The following ADGRD1 variants were observed in gnomAD, a reference collection of about 807,000 sequenced individuals.
The protein encoded by ADGRD1 is G-protein coupled receptor 133.
In ADGRD1, 77 loss-of-function variants were observed where a neutral mutation model predicts 113.4. That is an observed-to-expected ratio of 0.68 (90% CI 0.57 to 0.82). The LOEUF (loss-of-function observed/expected upper bound fraction) is 0.82. ADGRD1 is among the 40% of genes least tolerant of loss of function. The probability of loss-of-function intolerance (pLI) is 0.00; values close to 1 mark genes in which losing one functional copy is unlikely to be tolerated. For missense variants in ADGRD1, 1,036 were observed against 1,139.1 expected (o/e 0.91, Z 1.30); for synonymous variants, 474 against 475.0 (o/e 1.00, Z 0.03).
chr12:130,979,218 C>A lies in ADGRD1; in HGVS notation c.311-2666C>A, dbSNP rs147112333. Among the ~76,000 whole-genome samples, 663 of 152,302 alleles carry A rather than the reference C, an allele frequency of 4.4e-3. 7 individuals carry two copies. Among genetic ancestry groups the A allele is most frequent in the African/African-American group, 0.015 (626 of 41,564 alleles). Reference sequence around the variant, plus strand: ...TTCCCAGGAGCCCTAAGGACAGATGCCGCAGGGCTTGGAGTTGTACCCCGT... The same window carrying A: ...TTCCCAGGAGCCCTAAGGACAGATGACGCAGGGCTTGGAGTTGTACCCCGT... On this transcript the variant is annotated intron_variant, in intron 4 of 24. Transcript: ENST00000261654.
chr12:131,056,449 A>C (rs1449730734), intron 13 of ADGRD1, among the ~76,000 whole-genome samples: 2 of 152,226 alleles, frequency 1.3e-5, no homozygotes, highest in African/African-American at 4.8e-5. Context: ...CGGGGACAAG[A>C]GGCCAAGGTG....
In ADGRD1 at chr12:131,003,634, C is replaced by A. The variant is rs7316787; in HGVS notation, c.1144+332C>A. 0.48 allele frequency among the ~76,000 whole-genome samples: 72,777 copies of A among 152,102 alleles called. 17,964 individuals are homozygous for A. Among genetic ancestry groups the A allele is most frequent in the African/African-American group, 0.57 (23,483 of 41,488 alleles). ...AAAAGGGGTGGCCTCGGGTTTCTGGCGTCAGCTTGCTCTCAGCTGGGCTCC... is the reference window on the plus strand; with the variant it reads ...AAAAGGGGTGGCCTCGGGTTTCTGGAGTCAGCTTGCTCTCAGCTGGGCTCC... On this transcript the variant is annotated intron_variant, in intron 10 of 24. Coordinates refer to ENST00000261654, the MANE Select transcript of ADGRD1 (RefSeq NM_198827.5). The surrounding 1 kb of genome is among the most constrained non-coding windows in gnomAD (Gnocchi z 4.8).
intron 13 of ADGRD1, among the ~76,000 whole-genome samples, chr12:131,038,611 G>T (rs565064340): frequency 6.6e-6 from 1 of 152,354 alleles, no homozygotes; most frequent in South Asian, 2.1e-4. Flanking sequence ...CCACAGTGTG[G>T]GGTAGGTGGA....
Position 130,998,386 on chromosome 12 carries a change from G to A in ADGRD1, c.967-1997G>A, listed in dbSNP as rs1162690199. 2.6e-5 allele frequency among the ~76,000 whole-genome samples: 4 copies of A among 152,196 alleles called. No individual in the cohort carries two copies. In the South Asian group the frequency reaches 8.3e-4, roughly 32 times the overall value. On this transcript the variant is annotated intron_variant, in intron 8 of 24. Transcript: ENST00000261654. Reference sequence around the variant, plus strand: ...TCATGCAGATTTACCCAAAACCCCAGTGATCTCTGACCTGATGAGAAGTCA... The same window carrying A: ...TCATGCAGATTTACCCAAAACCCCAATGATCTCTGACCTGATGAGAAGTCA...
intron 5 of ADGRD1, among the ~76,000 whole-genome samples, chr12:130,985,598 T>C (rs1873560767): frequency 6.6e-6 from 1 of 151,962 alleles, no homozygotes; most frequent in Non-Finnish European, 1.5e-5. Flanking sequence ...TTGTCCAGGC[T>C]GGAGTGCAAT....
At chr12:131,092,981 C>T (rs1887016261) in intron 15 of ADGRD1, among the ~76,000 whole-genome samples, 1 of 151,850 alleles carries the variant, frequency 6.6e-6, no homozygotes, top group South Asian at 2.1e-4. Context: ...TGGCTACCAC[C>T]CCTGCACTCA....
At chr12:131,011,993 A>T (rs890772158) in intron 12 of ADGRD1, among the ~76,000 whole-genome samples, 1 of 151,980 alleles carries the variant, frequency 6.6e-6, no homozygotes, top group Admixed American at 6.5e-5. Context: ...CCTCGAGCCC[A>T]CCCTCACTTT....
At chr12:131,033,030 C>T (rs1481111532) in intron 13 of ADGRD1, among the ~76,000 whole-genome samples, 8 of 152,218 alleles carry the variant, frequency 5.3e-5, no homozygotes, top group Non-Finnish European at 1.0e-4. Context: ...GAGACCACTT[C>T]ATTTGCAGCT....
At chr12:131,010,446 C>T (rs754236250) in intron 12 of ADGRD1, among the ~76,000 whole-genome samples, 60 of 152,136 alleles carry the variant, frequency 3.9e-4, no homozygotes, top group Non-Finnish European at 1.3e-4. Flanking sequence ...TCCAAATAAC[C>T]GAATAACAGC....
In ADGRD1 at chr12:131,108,777, C is replaced by T. The variant is rs1209618852; in HGVS notation, c.1941C>T (p.Phe647=). 5.0e-6 allele frequency: 8 copies of T among 1,613,944 alleles called. No individual in the cohort carries two copies. Among genetic ancestry groups the T allele is most frequent in the African/African-American group, 2.7e-5 (2 of 74,878 alleles). ...TACACTACTTCTTCCTGAGTGCCTTCGCATGGATGCTGGTGGAGGGGCTGC... is the reference window on the plus strand; with the variant it reads ...TACACTACTTCTTCCTGAGTGCCTTTGCATGGATGCTGGTGGAGGGGCTGC... The part of the protein sequence containing the change: ...VLLHYFFLSA[F]AWMLVEGLHL... Residue 647 remains phenylalanine, a synonymous_variant, in exon 18 of 25, where the codon TTC becomes TTT. Coordinates refer to ENST00000261654, the MANE Select transcript of ADGRD1 (RefSeq NM_198827.5).
intron 13 of ADGRD1, among the ~76,000 whole-genome samples, chr12:131,052,110 T>TTATTACCCCAAGAA (rs1883455527): frequency 6.6e-6 from 1 of 152,184 alleles, no homozygotes; most frequent in Non-Finnish European, 1.5e-5. Flanking sequence ...GGACCCTCCT[T>TTATTACCCCAAGAA]TATTACCCCA....
At chr12:131,123,712 C>G (rs1444836555) in intron 20 of ADGRD1, among the ~76,000 whole-genome samples, 1 of 151,928 alleles carries the variant, frequency 6.6e-6, no homozygotes, top group Non-Finnish European at 1.5e-5. Flanking sequence ...GTCCCAGCTA[C>G]TCGGGAGGCT....
chr12:131,045,684 C>T (rs1882625855), intron 13 of ADGRD1, among the ~76,000 whole-genome samples: 1 of 152,154 alleles, frequency 6.6e-6, no homozygotes, highest in African/African-American at 2.4e-5. Context: ...CCATGCTGCC[C>T]AAATCCACAG....
At chr12:131,101,543 A>G (rs928004899) in intron 15 of ADGRD1, among the ~76,000 whole-genome samples, 5 of 151,462 alleles carry the variant, frequency 3.3e-5, no homozygotes, top group Admixed American at 3.3e-4. Flanking sequence ...GTGGGCCATC[A>G]TGTCTGGCTA....
chr12:130,966,948 A>C lies in ADGRD1; in HGVS notation c.187+402A>C, dbSNP rs1871073758. 4.6e-6 allele frequency: 2 copies of C among 438,706 alleles called. No individual in the cohort carries two copies. The highest frequency in any genetic ancestry group is 2.4e-5 in the Admixed American group (1 of 42,330). The allele number at this position is 438,706 out of a possible 1,614,324, so 27.2% of individuals were successfully genotyped here. A position where few individuals can be genotyped will look rare whatever the true frequency, so the allele number is the denominator to read the frequency against. On this transcript the variant is annotated intron_variant, in intron 3 of 24. Coordinates refer to ENST00000261654, the MANE Select transcript of ADGRD1 (RefSeq NM_198827.5). The surrounding 1 kb of genome is among the most constrained non-coding windows in gnomAD (Gnocchi z 4.6). Reference sequence around the variant, plus strand: ...AAGCATTTTACTAGAATTTTTATAGAGAGAGCTATTGCGTATTGAATGGGA... The same window carrying C: ...AAGCATTTTACTAGAATTTTTATAGCGAGAGCTATTGCGTATTGAATGGGA...
intron 6 of ADGRD1, chr12:130,989,802 A>G (rs2136641488): frequency 6.6e-6 from 1 of 152,336 alleles, no homozygotes; most frequent in South Asian, 2.1e-4. Flanking sequence ...TCCTGATACA[A>G]AGGCACAGTG....
rs1332942750 is a variant in ADGRD1, at chr12:131,084,572, G to T, written c.1580G>T (p.Cys527Phe). 1 of 1,614,020 alleles carries T rather than the reference G, an allele frequency of 6.2e-7. No homozygotes were observed. Among genetic ancestry groups the T allele is most frequent in the African/African-American group, 1.3e-5 (1 of 74,918 alleles). The change falls in exon 15 of 25, where the codon TGT (cysteine) becomes TTT (phenylalanine). Residue 527 changes from cysteine (C) to phenylalanine (F), a missense_variant. Transcript: ENST00000261654. The surrounding 1 kb of genome is among the most constrained non-coding windows in gnomAD (Gnocchi z 4.5). ...SGEGVWSNHG[C>F]ALTRGNLTYS... Reference sequence around the variant, plus strand: ...GAAGGGGTCTGGTCGAACCACGGCTGTGCGCTCACGAGAGGAAACCTCACC... The same window carrying T: ...GAAGGGGTCTGGTCGAACCACGGCTTTGCGCTCACGAGAGGAAACCTCACC...
intron 13 of ADGRD1, among the ~76,000 whole-genome samples, chr12:131,028,410 C>T (rs1482650459): frequency 1.3e-5 from 2 of 151,978 alleles, no homozygotes; most frequent in African/African-American, 2.4e-5. Context: ...CTTTTGACTT[C>T]GATGGTGTCT....
intron 3 of ADGRD1, chr12:130,969,045 G>A (rs1871318265): frequency 6.5e-7 from 1 of 1,530,928 alleles, no homozygotes; most frequent in Non-Finnish European, 8.8e-7. Flanking sequence ...CAATGATTCT[G>A]CCTACTCAAA....
Sources: gnomAD v4.1 joint callset for allele counts (sites outside exome capture counted in the v4.1 genomes callset) on GRCh38, gnomAD v4.1.1 for gene constraint, Gnocchi (gnomAD v3.1) non-coding constraint, MANE v1.5 for transcripts, NCBI Gene and HGNC (gene_info 2026-07-23, HGNC 2026-07-21) for gene names.